ARPC4: variants seen among roughly 807,000 people sequenced by gnomAD.
The protein encoded by ARPC4 is actin-related protein 2/3 complex subunit 4.
Under a neutral mutation model 22.8 loss-of-function variants are expected in ARPC4, and 3 were observed. The ratio of observed to expected loss-of-function variants is 0.13; its 90% CI spans 0.06 to 0.34. The LOEUF (loss-of-function observed/expected upper bound fraction) is 0.34. ARPC4 is among the 10% of genes least tolerant of loss of function. ARPC4 has a pLI of 1.00. For synonymous variants in ARPC4, 80 were observed against 72.5 expected (o/e 1.10, Z -0.52); for missense variants, 98 against 211.0 (o/e 0.46, Z 3.32).
Position 9,803,989 on chromosome 3 carries a change from T to G in ARPC4, c.477T>G (p.Ile159Met). ...TGTCAGTCAATGCCCGTGCCCGCAT[T>G]GTGGCTGAAGAGTTCCTTAAGAATG... ...MKLSVNARARIVAEEFLKNF is the reference protein window; with the variant it reads ...MKLSVNARARMVAEEFLKNF Residue 159 changes from isoleucine to methionine, a missense_variant, in exon 5 of 6, where the codon ATT becomes ATG. By Grantham distance (10) the Ile-to-Met change is conservative. Transcript: ENST00000397261. 2 of 1,614,184 alleles carry G rather than the reference T, an allele frequency of 1.2e-6. No individual in the cohort carries two copies. Among genetic ancestry groups the G allele is most frequent in the Non-Finnish European group, 1.7e-6 (2 of 1,180,032 alleles).
intron 1 of ARPC4, 88 bp downstream of exon 1, chr3:9,793,212 G>T (rs1395573584): frequency 2.5e-5 from 37 of 1,491,648 alleles, no homozygotes; most frequent in Middle Eastern, 3.5e-4. Context: ...TGCCGCAGGG[G>T]CGCGGGGCCG....
At chr3:9,799,204 CTG>C (rs1260105296) in intron 2 of ARPC4, among the ~76,000 whole-genome samples, 3 of 152,176 alleles carry the variant, frequency 2.0e-5, no homozygotes, top group Non-Finnish European at 4.4e-5. Context: ...GGAAGCCAAA[CTG>C]TGTTCAATTT....
intron 1 of ARPC4, among the ~76,000 whole-genome samples, chr3:9,796,757 C>T (rs527448037): frequency 1.1e-4 from 16 of 152,018 alleles, no homozygotes; most frequent in South Asian, 8.3e-4. Context: ...CTGGCTAACA[C>T]CGTGAAACCC....
intron 4 of ARPC4, among the ~76,000 whole-genome samples, chr3:9,802,134 G>C (rs2079021804): frequency 6.7e-6 from 1 of 149,912 alleles, no homozygotes; most frequent in Non-Finnish European, 1.5e-5. Context: ...AGCTACTCAG[G>C]AGGCTGAGGC....
intron 2 of ARPC4, chr3:9,799,901 C>G (rs1363448875): frequency 1.8e-6 from 1 of 557,040 alleles, no homozygotes; most frequent in South Asian, 1.5e-5. Context: ...AATTAGGAAT[C>G]AGAGTCATTT....
chr3:9,802,587 G>A (rs2079034144), intron 4 of ARPC4, among the ~76,000 whole-genome samples: 1 of 151,616 alleles, frequency 6.6e-6, no homozygotes, highest in African/African-American at 2.4e-5. Context: ...ATGTTAGCCA[G>A]GATGGTCTCG....
upstream of ARPC4, chr3:9,793,074 G>A: frequency 1.3e-6 from 2 of 1,545,694 alleles, no homozygotes; most frequent in Non-Finnish European, 1.7e-6. Context: ...GGCATCGCGG[G>A]GCTGGCCACT....
chr3:9,805,374 G>T (rs933072550), intron 5 of ARPC4, among the ~76,000 whole-genome samples: 2 of 152,206 alleles, frequency 1.3e-5, no homozygotes, highest in African/African-American at 2.4e-5. Context: ...ACCAGAATGT[G>T]GAGCTGGGTT....
chr3:9,805,479 G>A (rs1371876529), intron 5 of ARPC4, among the ~76,000 whole-genome samples: 2 of 152,220 alleles, frequency 1.3e-5, no homozygotes, highest in Admixed American at 6.5e-5. Context: ...AGTGGGCTGA[G>A]TATGGAGTGG....
chr3:9,802,483 C>T (rs2079031418), intron 4 of ARPC4, among the ~76,000 whole-genome samples: 1 of 149,928 alleles, frequency 6.7e-6, no homozygotes, highest in Non-Finnish European at 1.5e-5. Flanking sequence ...TCACGCCATT[C>T]TCCTGCCTCA....
At chr3:9,798,564 T>TGA (rs2078943569) in intron 2 of ARPC4, among the ~76,000 whole-genome samples, 1 of 148,948 alleles carries the variant, frequency 6.7e-6, no homozygotes, top group Non-Finnish European at 1.5e-5. Context: ...CCAGCCTGGG[T>TGA]GAGACCCTGT....
chr3:9,801,638 C>T (rs781549112), intron 3 of ARPC4, 23 bp from the exon 4 acceptor site: 2 of 1,583,848 alleles, frequency 1.3e-6, no homozygotes, highest in Non-Finnish European at 8.6e-7. Flanking sequence ...TTTAGAGAAA[C>T]ATTTCTCTCT....
chr3:9,804,128 C>T, intron 5 of ARPC4, 115 bp downstream of exon 5: 1 of 1,199,792 alleles, frequency 8.3e-7, no homozygotes, highest in Non-Finnish European at 1.2e-6. Context: ...CTCCTGAGCT[C>T]TCTAGGACCC....
chr3:9,792,879 C>T (rs1035991252), upstream of ARPC4: 37 of 1,384,082 alleles, frequency 2.7e-5, no homozygotes, highest in Non-Finnish European at 3.3e-5. Flanking sequence ...GGAAGCTGCA[C>T]CCATTCCTGG....
intron 1 of ARPC4, among the ~76,000 whole-genome samples, chr3:9,793,699 C>G (rs1381823038): frequency 6.6e-6 from 1 of 152,142 alleles, no homozygotes; most frequent in East Asian, 1.9e-4. Context: ...AGCTGTGATA[C>G]TGCTCATCCC....
At chr3:9,801,588 AAGACC>A (rs2079011711) in intron 3 of ARPC4, 68 bp from the exon 4 acceptor site, 1 of 1,457,572 alleles carries the variant, frequency 6.9e-7, no homozygotes, top group Non-Finnish European at 9.3e-7. Flanking sequence ...CTGGAGTCAG[AAGACC>A]AGGCTACAAG....
rs55966635 is a variant in ARPC4, at chr3:9,806,516, C to CTT, written c.*321_*322dup. ...TTGTAGGATACTGTAACCTTTTTGTCTTTTTTTTTTTTTTTTTTTTTAAAC... is the reference window on the plus strand; with the variant it reads ...TTGTAGGATACTGTAACCTTTTTGTCTTTTTTTTTTTTTTTTTTTTTTTAAAC... On this transcript the variant is annotated 3_prime_UTR_variant, in exon 6 of 6. Transcript: ENST00000397261. 973 of 232,264 alleles carry CTT rather than the reference C, an allele frequency of 4.2e-3. 9 individuals carry two copies. Among genetic ancestry groups the CTT allele is most frequent in the African/African-American group, 0.024 (873 of 35,926 alleles). The allele number at this position is 232,264 out of a possible 1,614,324, so 14.4% of individuals were successfully genotyped here.
At chr3:9,803,581 C>T in intron 4 of ARPC4, 1 of 617,098 alleles carries the variant, frequency 1.6e-6, no homozygotes, top group Non-Finnish European at 3.0e-6. Flanking sequence ...ATTCTGAATG[C>T]AGAGCTGTTG....
At chr3:9,802,948 A>G (rs998091469) in intron 4 of ARPC4, among the ~76,000 whole-genome samples, 11 of 150,946 alleles carry the variant, frequency 7.3e-5, no homozygotes, top group African/African-American at 2.7e-4. Flanking sequence ...ATAGTCTGCA[A>G]TCTGGGCTCA....
Sources: allele counts gnomAD v4.1 joint callset (sites outside exome capture counted in the v4.1 genomes callset), GRCh38; gene constraint gnomAD v4.1.1; transcripts MANE v1.5; gene names NCBI Gene and HGNC (gene_info 2026-07-23, HGNC 2026-07-21).